Variants in ANTXR2 observed in about 807,000 individuals in gnomAD.
The protein encoded by ANTXR2 is ANTXR cell adhesion molecule 2.
A neutral mutation model predicts 73.7 loss-of-function variants in ANTXR2; 44 were observed. That is an observed-to-expected ratio of 0.60 (90% CI 0.47 to 0.77). The LOEUF is 0.77. Among genes scored for constraint, ANTXR2 ranks in the 30% least tolerant of loss-of-function variants. ANTXR2 has a pLI of 0.00. For missense variants in ANTXR2, 604 were observed against 592.5 expected (o/e 1.02, Z -0.20); for synonymous variants, 217 against 205.9 (o/e 1.05, Z -0.46).
intron 16 of ANTXR2, among the ~76,000 whole-genome samples, chr4:79,948,495 C>T (rs1310248956): frequency 6.6e-6 from 1 of 152,070 alleles, no homozygotes; most frequent in Non-Finnish European, 1.5e-5. Flanking sequence ...TAGATTAACT[C>T]ATCTAAGTAA....
chr4:79,931,715 C>T (rs914233505), intron 16 of ANTXR2, among the ~76,000 whole-genome samples: 3 of 152,106 alleles, frequency 2.0e-5, no homozygotes, highest in African/African-American at 7.2e-5. Context: ...ACTGTCTGTT[C>T]CCAGATCAAC....
chr4:79,952,204 A>T (rs983728469), intron 16 of ANTXR2, among the ~76,000 whole-genome samples: 1 of 150,360 alleles, frequency 6.7e-6, no homozygotes, highest in Non-Finnish European at 1.5e-5. Flanking sequence ...AATATATATC[A>T]TATATATAAT....
chr4:79,976,760 T>C lies in ANTXR2; in HGVS notation c.1428+861A>G, dbSNP rs561020874. ...TCTTTTCTGGATGAAGCCAGGAACCTTCCTGGGCTAAGCTCCAATTTGGGA... is the reference window on the plus strand; with the variant it reads ...TCTTTTCTGGATGAAGCCAGGAACCCTCCTGGGCTAAGCTCCAATTTGGGA... On this transcript the variant is annotated intron_variant, in intron 16 of 16. Coordinates refer to ENST00000403729, the MANE Select transcript of ANTXR2 (RefSeq NM_058172.6). Among the ~76,000 whole-genome samples the C allele has an allele frequency of 2.6e-5, 4 of 152,256 alleles. No homozygotes were observed. The South Asian group carries it at 6.2e-4, about 24-fold the overall frequency.
At chr4:79,985,360 GAAAAAGAAAAAGAAAGAAA>G (rs1413043551) in intron 12 of ANTXR2, among the ~76,000 whole-genome samples, 1 of 143,656 alleles carries the variant, frequency 7.0e-6, no homozygotes, top group African/African-American at 2.5e-5. Context: ...AAAAAAAAAA[GAAAAAGAAAAAGAAAGAAA>G]AAAAAGAAAA....
intron 16 of ANTXR2, among the ~76,000 whole-genome samples, chr4:79,914,176 G>A (rs939938281): frequency 2.0e-5 from 3 of 152,072 alleles, no homozygotes; most frequent in African/African-American, 7.2e-5. Flanking sequence ...GGTGTTCAGA[G>A]CTAGGAAAAA....
At chr4:79,913,550 T>A (rs1217752912) in intron 16 of ANTXR2, among the ~76,000 whole-genome samples, 1 of 152,182 alleles carries the variant, frequency 6.6e-6, no homozygotes, top group African/African-American at 2.4e-5. Flanking sequence ...ATCAAACTTT[T>A]AACCACATAC....
At chr4:79,907,682 A>G (rs1371941605) in intron 16 of ANTXR2, among the ~76,000 whole-genome samples, 1 of 152,194 alleles carries the variant, frequency 6.6e-6, no homozygotes, top group Non-Finnish European at 1.5e-5. Flanking sequence ...ATGGTATGGT[A>G]TAATTAATAT....
At chr4:79,986,058 G>C (rs963921053) in intron 12 of ANTXR2, among the ~76,000 whole-genome samples, 1 of 151,952 alleles carries the variant, frequency 6.6e-6, no homozygotes, top group Non-Finnish European at 1.5e-5. Context: ...TGGCCAGGCT[G>C]GTCTCAAATT....
chr4:80,026,238 C>T (rs573632094), intron 10 of ANTXR2, among the ~76,000 whole-genome samples: 2 of 152,204 alleles, frequency 1.3e-5, no homozygotes, highest in South Asian at 2.1e-4. Flanking sequence ...GTGAATCTCA[C>T]GAGATCTGAT....
intron 11 of ANTXR2, 84 bp downstream of exon 11, chr4:80,018,814 G>T: frequency 9.4e-7 from 1 of 1,065,206 alleles, no homozygotes; most frequent in Non-Finnish European, 1.3e-6. Flanking sequence ...CTTTATTGTA[G>T]TATGCAACAA....
intron 10 of ANTXR2, among the ~76,000 whole-genome samples, chr4:80,021,151 A>AG (rs1732144272): frequency 1.6e-5 from 2 of 121,916 alleles, no homozygotes; most frequent in Admixed American, 1.6e-4. Context: ...CTCCATCTCA[A>AG]AAAAAAAAAA....
chr4:79,945,484 C>T (rs181071945), intron 16 of ANTXR2, among the ~76,000 whole-genome samples: 2 of 152,068 alleles, frequency 1.3e-5, no homozygotes, highest in South Asian at 2.1e-4. Context: ...AAGTGTTTCA[C>T]AGGTATTAAC....
At chr4:80,021,604 C>G (rs1300377949) in intron 10 of ANTXR2, among the ~76,000 whole-genome samples, 1 of 152,056 alleles carries the variant, frequency 6.6e-6, no homozygotes, top group Admixed American at 6.6e-5. Flanking sequence ...AGGAAACATT[C>G]AAACTTTTAA....
intron 10 of ANTXR2, among the ~76,000 whole-genome samples, chr4:80,026,232 A>G (rs4637335): frequency 0.6 from 90,467 of 151,796 alleles, 28,584 homozygotes; most frequent in East Asian, 0.93. Flanking sequence ...TGGTGAGTGA[A>G]TCTCACGAGA....
intron 10 of ANTXR2, among the ~76,000 whole-genome samples, chr4:80,022,282 T>C (rs904648906): frequency 2.6e-5 from 4 of 152,236 alleles, no homozygotes; most frequent in Non-Finnish European, 4.4e-5. Context: ...TGTGAATATA[T>C]ATATTTATGA....
chr4:80,041,212 T>C (rs1177405831), intron 7 of ANTXR2, among the ~76,000 whole-genome samples: 1 of 152,066 alleles, frequency 6.6e-6, no homozygotes, highest in African/African-American at 2.4e-5. Flanking sequence ...CCCCAGGTTT[T>C]ATTGAGTCCA....
intron 7 of ANTXR2, among the ~76,000 whole-genome samples, chr4:80,041,918 G>A (rs1165405203): frequency 6.6e-6 from 1 of 151,986 alleles, no homozygotes; most frequent in African/African-American, 2.4e-5. Flanking sequence ...GAATAGTGCT[G>A]CAATAAACAT....
Position 80,008,524 on chromosome 4 carries a change from T to A in ANTXR2, c.1038A>T (p.Lys346Asn). Residue 346 changes from lysine (K) to asparagine (N), a missense_variant, in exon 12 of 17, where the codon AAA (lysine) becomes AAT (asparagine). Lys to Asn is a moderately conservative substitution (Grantham distance 94). Coordinates refer to ENST00000403729, the MANE Select transcript of ANTXR2 (RefSeq NM_058172.6). The part of the protein sequence containing the change: ...LMWWFWPLCC[K>N]VVIKDPPPPP... Reference sequence around the variant, plus strand: ...GTTGTAAATCCTTCTTACTCACCACTTTGCAGCAAAGGGGCCAAAACCACC... The same window carrying A: ...GTTGTAAATCCTTCTTACTCACCACATTGCAGCAAAGGGGCCAAAACCACC... 6.2e-7 allele frequency: 1 copy of A among 1,606,182 alleles called. No individual in the cohort carries two copies. The highest frequency in any genetic ancestry group is 8.5e-7 in the Non-Finnish European group (1 of 1,175,546).
At position 79,905,438 on chromosome 4, in the gene ANTXR2, T is replaced by C. The variant is rs191146988; in HGVS notation, c.*1991A>G. 1 of 152,302 alleles carries C rather than the reference T, an allele frequency of 6.6e-6. No individual in the cohort carries two copies. Among genetic ancestry groups the C allele is most frequent in the Non-Finnish European group, 1.5e-5 (1 of 68,030 alleles). 9.4% of individuals were successfully genotyped at this position (152,302 alleles called of 1,614,324 possible). A position where few individuals can be genotyped will look rare whatever the true frequency, so the allele number is the denominator to read the frequency against. ...CACTTGCATATGCAGCTACTGCCAATAGTATCATCTGTGAACATGAGGGAC... is the reference window on the plus strand; with the variant it reads ...CACTTGCATATGCAGCTACTGCCAACAGTATCATCTGTGAACATGAGGGAC... On this transcript the variant is annotated 3_prime_UTR_variant, in exon 17 of 17. Coordinates refer to ENST00000403729, the MANE Select transcript of ANTXR2 (RefSeq NM_058172.6).
Sources: allele counts gnomAD v4.1 joint callset (sites outside exome capture counted in the v4.1 genomes callset), GRCh38; gene constraint gnomAD v4.1.1; transcripts MANE v1.5; gene names NCBI Gene and HGNC (gene_info 2026-07-23, HGNC 2026-07-21).